The following PCDHA1 variants were observed in gnomAD, a reference collection of about 807,000 sequenced individuals.
The protein encoded by PCDHA1 is protocadherin alpha 1.
In PCDHA1, 42 loss-of-function variants were observed where a neutral mutation model predicts 61.3. That is an observed-to-expected ratio of 0.69 (90% CI 0.54 to 0.89). The LOEUF (loss-of-function observed/expected upper bound fraction) is 0.89. Among genes scored for constraint, PCDHA1 ranks in the 40% least tolerant of loss-of-function variants. The pLI is 0.00. For missense variants in PCDHA1, 1,256 were observed against 1,235.3 expected (o/e 1.02, Z -0.25); for synonymous variants, 610 against 553.8 (o/e 1.10, Z -1.43).
At chr5:140,845,439 T>C (rs965524315) in intron 1 of PCDHA1, among the ~76,000 whole-genome samples, 1 of 149,744 alleles carries the variant, frequency 6.7e-6, no homozygotes, top group Non-Finnish European at 1.5e-5. Flanking sequence ...ATTTTAGTTC[T>C]GTTTTTCTTC....
chr5:140,890,434 T>C (rs1368664447), intron 1 of PCDHA1, among the ~76,000 whole-genome samples: 2 of 152,226 alleles, frequency 1.3e-5, no homozygotes, highest in Non-Finnish European at 2.9e-5. Flanking sequence ...ATATTTACAA[T>C]ACCTAGTGAT....
intron 1 of PCDHA1, chr5:140,881,421 C>G: frequency 1.1e-6 from 1 of 907,614 alleles, no homozygotes; most frequent in South Asian, 5.1e-5. Context: ...GATATTAGTT[C>G]CAGGCATATT....
chr5:140,836,281 C>G (rs2150256657), intron 1 of PCDHA1: 6 of 1,613,614 alleles, frequency 3.7e-6, no homozygotes, highest in Non-Finnish European at 4.2e-6. Flanking sequence ...GAGATCAGCA[C>G]GACACGAGCC....
intron 1 of PCDHA1, chr5:140,871,257 G>A (rs374337862): frequency 1.2e-6 from 2 of 1,613,940 alleles, no homozygotes; most frequent in Admixed American, 1.7e-5. Context: ...TGCTGTATAC[G>A]GCGCTGTGGT....
chr5:140,795,359 T>C, intron 1 of PCDHA1: 1 of 1,614,154 alleles, frequency 6.2e-7, no homozygotes, highest in Non-Finnish European at 8.5e-7. Context: ...AACCCGCCAA[T>C]ATTTCCAATG....
intron 1 of PCDHA1, chr5:140,929,725 A>G (rs1415397730): frequency 9.2e-6 from 2 of 218,138 alleles, no homozygotes; most frequent in Admixed American, 1.2e-4. Flanking sequence ...TGAAACATTT[A>G]CTTAAACTAT....
At chr5:140,879,802 T>A (rs535783687) in intron 1 of PCDHA1, among the ~76,000 whole-genome samples, 1 of 152,330 alleles carries the variant, frequency 6.6e-6, no homozygotes, top group Non-Finnish European at 1.5e-5. Flanking sequence ...TCTTCCAGTT[T>A]CTATTGGCTG....
At chr5:140,883,960 G>C in intron 1 of PCDHA1, 5 of 1,613,090 alleles carry the variant, frequency 3.1e-6, no homozygotes, top group Non-Finnish European at 4.2e-6. Flanking sequence ...ACGCTCCGGC[G>C]CTGCTGACGC....
In PCDHA1 at chr5:140,786,346, T is replaced by C; in HGVS notation, c.56T>C (p.Leu19Pro). The change falls in exon 1 of 4, where the codon CTG (leucine) becomes CCG (proline). Residue 19 changes from leucine to proline, a missense_variant. Transcript: ENST00000504120. ...LGARDLLLWLLLLAAWEVGSG... is the reference protein window; with the variant it reads ...LGARDLLLWLPLLAAWEVGSG... The stretch of plus-strand genomic sequence containing the variant: ...GCCCGGGATCTGCTTCTTTGGCTTC[T>C]GCTCCTCGCAGCCTGGGAGGTGGGG... The C allele has an allele frequency of 6.2e-7, 1 of 1,613,874 alleles. No individual in the cohort carries two copies. Among genetic ancestry groups the C allele is most frequent in the Non-Finnish European group, 8.5e-7 (1 of 1,179,978 alleles).
intron 1 of PCDHA1, chr5:140,796,322 C>T: frequency 1.2e-6 from 2 of 1,614,068 alleles, no homozygotes; most frequent in Non-Finnish European, 1.7e-6. Flanking sequence ...GACAACGCGC[C>T]GGCGTTCGCA....
chr5:140,907,163 T>C (rs1019409387), intron 1 of PCDHA1, among the ~76,000 whole-genome samples: 1 of 152,162 alleles, frequency 6.6e-6, no homozygotes, highest in Non-Finnish European at 1.5e-5. Context: ...TACCATATAT[T>C]GGATGCTGAT....
chr5:140,802,833 G>A (rs782195436), intron 1 of PCDHA1: 5 of 1,613,478 alleles, frequency 3.1e-6, no homozygotes, highest in African/African-American at 1.3e-5. Flanking sequence ...GCCGCCTCTG[G>A]GCAGCAACGT....
chr5:140,801,437 G>C (rs776837907), intron 1 of PCDHA1: 2 of 1,613,974 alleles, frequency 1.2e-6, no homozygotes, highest in Non-Finnish European at 1.7e-6. Context: ...TAAATCTGCA[G>C]AATGGCATTT....
At chr5:140,921,022 T>C (rs990627966) in intron 1 of PCDHA1, among the ~76,000 whole-genome samples, 6 of 152,094 alleles carry the variant, frequency 3.9e-5, no homozygotes, top group Admixed American at 6.6e-5. Context: ...CTATGTTTTC[T>C]AGACTGGGGT....
chr5:140,834,339 C>T, intron 1 of PCDHA1: 1 of 1,501,080 alleles, frequency 6.7e-7, no homozygotes, highest in Non-Finnish European at 9.0e-7. Context: ...CCTATAAATT[C>T]GAAGGCAAGT....
chr5:140,809,517 C>T, intron 1 of PCDHA1: 1 of 1,614,190 alleles, frequency 6.2e-7, no homozygotes, highest in African/African-American at 1.3e-5. Context: ...CCCAGTTTAC[C>T]TGACTCTAGG....
intron 1 of PCDHA1, among the ~76,000 whole-genome samples, chr5:140,944,853 C>G (rs1230548858): frequency 6.6e-6 from 1 of 152,118 alleles, no homozygotes; most frequent in Non-Finnish European, 1.5e-5. Context: ...TTAGAATCAT[C>G]CTTATTTATC....
chr5:140,841,603 G>A (rs2150319062), intron 1 of PCDHA1: 34 of 1,614,038 alleles, frequency 2.1e-5, no homozygotes, highest in East Asian at 1.1e-4. Flanking sequence ...ACCGCGAGGA[G>A]CTGTGCGGGC....
intron 1 of PCDHA1, among the ~76,000 whole-genome samples, chr5:140,833,272 CTTAT>C (rs1464609454): frequency 1.3e-5 from 2 of 152,102 alleles, no homozygotes; most frequent in Non-Finnish European, 2.9e-5. Flanking sequence ...ATTATAAAAA[CTTAT>C]TTAGGAAAGC....
Sources: gnomAD v4.1 joint callset for allele counts (sites outside exome capture counted in the v4.1 genomes callset) on GRCh38, gnomAD v4.1.1 for gene constraint, MANE v1.5 for transcripts, NCBI Gene and HGNC (gene_info 2026-07-23, HGNC 2026-07-21) for gene names.